The following OR8G1 variants were observed in gnomAD, a reference collection of about 807,000 sequenced individuals.
The protein encoded by OR8G1 is olfactory receptor family 8 subfamily G member 1.
For missense variants in OR8G1, 372 were observed against 356.2 expected, an observed-to-expected ratio of 1.04 and a Z score of -0.36; for synonymous variants, 129 against 133.3, an observed-to-expected ratio of 0.97 and a Z score of 0.22.
intron 1 of OR8G1, among the ~76,000 whole-genome samples, chr11:124,246,878 AAAG>A (rs1337753953): frequency 4.5e-3 from 89 of 19,834 alleles, no homozygotes; most frequent in African/African-American, 0.019. Flanking sequence ...AAAAAAAAAA[AAAG>A]GCCCCACATC....
At chr11:124,241,866 A>G (rs1861763902) in intron 1 of OR8G1, among the ~76,000 whole-genome samples, 1 of 152,038 alleles carries the variant, frequency 6.6e-6, no homozygotes, top group Admixed American at 6.6e-5. Context: ...CTAAAAGTGA[A>G]GAGGGACAAG....
At chr11:124,243,940 A>C (rs1565314945) in intron 1 of OR8G1, among the ~76,000 whole-genome samples, 1 of 151,548 alleles carries the variant, frequency 6.6e-6, no homozygotes, top group Non-Finnish European at 1.5e-5. Flanking sequence ...AAAATTAAAA[A>C]ATAACAAAAG....
intron 1 of OR8G1, among the ~76,000 whole-genome samples, chr11:124,245,893 T>A (rs1861806337): frequency 6.6e-6 from 1 of 151,050 alleles, no homozygotes; most frequent in African/African-American, 2.4e-5. Flanking sequence ...TGTTTTGAGT[T>A]CATTGTAGAT....
At chr11:124,246,825 T>C (rs910304736) in intron 1 of OR8G1, among the ~76,000 whole-genome samples, 1 of 149,534 alleles carries the variant, frequency 6.7e-6, no homozygotes, top group African/African-American at 2.5e-5. Context: ...TATTCATTGA[T>C]TACAATGAAA....
At position 124,253,402 on chromosome 11, in the gene OR8G1, CAGAG is replaced by C. The variant is rs147009602; in HGVS notation, c.*2797_*2800del. The C allele has an allele frequency of 1.8e-4, 28 of 152,184 alleles. No homozygotes were observed. Among genetic ancestry groups the C allele is most frequent in the African/African-American group, 6.3e-4 (26 of 41,510 alleles). 9.4% of individuals were successfully genotyped at this position (152,184 alleles called of 1,614,324 possible). A position where few individuals can be genotyped will look rare whatever the true frequency, so the allele number is the denominator to read the frequency against. ...TGCCACTGTACGTCAGCCTGGGCGA[CAGAG>C]AGAGATTGTCCCCCAAACTACCACC... On this transcript the variant is annotated 3_prime_UTR_variant, in exon 3 of 3. Coordinates refer to ENST00000641972, the MANE Select transcript of OR8G1 (RefSeq NM_001002905.2).
chr11:124,248,185 T>A (rs1861831099), intron 2 of OR8G1, among the ~76,000 whole-genome samples: 1 of 151,982 alleles, frequency 6.6e-6, no homozygotes, highest in Non-Finnish European at 1.5e-5. Flanking sequence ...TTCGGATATT[T>A]TCCTGTTTTT....
At chr11:124,242,343 G>T (rs1176759280) in intron 1 of OR8G1, among the ~76,000 whole-genome samples, 1 of 151,874 alleles carries the variant, frequency 6.6e-6, no homozygotes, top group South Asian at 2.1e-4. Flanking sequence ...ATTGGAAAAC[G>T]ATGGACTCCA....
intron 1 of OR8G1, among the ~76,000 whole-genome samples, chr11:124,244,289 CTTTTAT>C (rs1334381404): frequency 5.3e-5 from 8 of 152,024 alleles, no homozygotes; most frequent in South Asian, 2.1e-4. Context: ...GATTCAGGAA[CTTTTAT>C]TTTTAATTAT....
chr11:124,249,612 C>G, intron 2 of OR8G1, 48 bp from the exon 3 acceptor site: 1 of 1,501,558 alleles, frequency 6.7e-7, no homozygotes, highest in Non-Finnish European at 8.9e-7. Flanking sequence ...AATAAAGTCC[C>G]TCCCACAACC....
intron 1 of OR8G1, among the ~76,000 whole-genome samples, chr11:124,242,944 G>A (rs1861774087): frequency 6.6e-6 from 1 of 151,880 alleles, no homozygotes; most frequent in Admixed American, 6.6e-5. Flanking sequence ...GTTAACCAAA[G>A]GGTGTGTGTA....
Position 124,249,784 on chromosome 11 carries a change from G to T in OR8G1, c.109G>T (p.Val37Phe), listed in dbSNP as rs201813599. 4 of 1,613,892 alleles carry T rather than the reference G, an allele frequency of 2.5e-6. No homozygotes were observed. The South Asian group carries it at 3.3e-5, about 13-fold the overall frequency. Residue 37 changes from valine to phenylalanine, a missense_variant, in exon 3 of 3, where the codon GTC (valine) becomes TTC (phenylalanine). Transcript: ENST00000641972. ...CCTCCTGTTCTTAGGAATCTATGTG[G>T]TCACAGTGGTGGGCAACCTGGGCAT... ...LFLLFLGIYV[V>F]TVVGNLGMTT...
At chr11:124,246,296 A>AT (rs749869736) in intron 1 of OR8G1, among the ~76,000 whole-genome samples, 2 of 151,912 alleles carry the variant, frequency 1.3e-5, no homozygotes, top group Non-Finnish European at 2.9e-5. Flanking sequence ...ATTCCTAGGT[A>AT]TTTGATGCTA....
intron 1 of OR8G1, among the ~76,000 whole-genome samples, chr11:124,246,556 C>T (rs919125117): frequency 6.6e-6 from 1 of 151,376 alleles, no homozygotes; most frequent in African/African-American, 2.4e-5. Context: ...GTATAAAAAT[C>T]AGAAATTTTA....
At chr11:124,245,312 A>G (rs1265949120) in intron 1 of OR8G1, among the ~76,000 whole-genome samples, 5 of 147,776 alleles carry the variant, frequency 3.4e-5, no homozygotes, top group South Asian at 4.6e-4. Flanking sequence ...ATGATTTCCA[A>G]TTTCATCCAT....
At position 124,252,432 on chromosome 11, in the gene OR8G1, T is replaced by C; in HGVS notation, c.*1821T>C. The C allele has an allele frequency of 6.6e-6, 1 of 152,194 alleles. No homozygotes were observed. The highest frequency in any genetic ancestry group is 1.9e-4 in the East Asian group (1 of 5,200). 9.4% of individuals were successfully genotyped at this position (152,194 alleles called of 1,614,324 possible). Reference sequence around the variant, plus strand: ...TAAAGTTATTTCCTCAGAAAACTCATCTCTGAAACTCAATCTGCATTACTT... The same window carrying C: ...TAAAGTTATTTCCTCAGAAAACTCACCTCTGAAACTCAATCTGCATTACTT... On this transcript the variant is annotated 3_prime_UTR_variant, in exon 3 of 3. Transcript: ENST00000641972.
At chr11:124,248,658 ATAAC>A (rs941346132) in intron 2 of OR8G1, among the ~76,000 whole-genome samples, 48 of 152,194 alleles carry the variant, frequency 3.2e-4, no homozygotes, top group African/African-American at 1.0e-3. Flanking sequence ...AACAGAATAA[ATAAC>A]TATATTTTAA....
At chr11:124,246,471 A>G (rs1471532525) in intron 1 of OR8G1, among the ~76,000 whole-genome samples, 1 of 151,938 alleles carries the variant, frequency 6.6e-6, no homozygotes, top group East Asian at 1.9e-4. Flanking sequence ...GAAAAAGGAA[A>G]GTTTAGGCAA....
intron 1 of OR8G1, among the ~76,000 whole-genome samples, chr11:124,247,519 T>C (rs2466643): frequency 0.51 from 77,036 of 151,120 alleles, 20,213 homozygotes; most frequent in South Asian, 0.7. Flanking sequence ...TTACTAAAAA[T>C]TCTCACAGAG....
At position 124,250,538 on chromosome 11, in the gene OR8G1, T is replaced by TTA; in HGVS notation, c.863_864insTA (p.Ile289ArgfsTer5). 6.0e-6 allele frequency: 7 copies of TTA among 1,171,164 alleles called. 3 individuals carry two copies. In the South Asian group the frequency reaches 1.3e-4, roughly 22 times the overall value. The allele number at this position is 1,171,164 out of a possible 1,614,324, so 72.5% of individuals were successfully genotyped here. A position where few individuals can be genotyped will look rare whatever the true frequency, so the allele number is the denominator to read the frequency against. On this transcript the variant is annotated frameshift_variant, in exon 3 of 3. Coordinates refer to ENST00000641972, the MANE Select transcript of OR8G1 (RefSeq NM_001002905.2). LOFTEE classifies it low-confidence loss of function (END_TRUNC). ...ATTATTGTGCCCATGTTGAACCCTC[T>TTA]GATTTATAGCCTGAGGAATAAAGAT... is the stretch of plus-strand genomic sequence containing the variant.
Sources: allele counts gnomAD v4.1 joint callset (sites outside exome capture counted in the v4.1 genomes callset), GRCh38; gene constraint gnomAD v4.1.1; transcripts MANE v1.5; gene names NCBI Gene and HGNC (gene_info 2026-07-23, HGNC 2026-07-21).